The following SLC44A5 variants were observed in gnomAD, a reference collection of about 807,000 sequenced individuals.
SLC44A5 encodes choline transporter-like protein 5.
Under a neutral mutation model 101.8 loss-of-function variants are expected in SLC44A5, and 57 were observed. That is an observed-to-expected ratio of 0.56 (90% CI 0.45 to 0.70). The LOEUF is 0.70. Among genes scored for constraint, SLC44A5 ranks in the 30% least tolerant of loss-of-function variants. The pLI is 0.00. For missense variants in SLC44A5, 737 were observed against 853.1 expected, an observed-to-expected ratio of 0.86 and a Z score of 1.70; for synonymous variants, 281 against 290.9, an observed-to-expected ratio of 0.97 and a Z score of 0.35.
chr1:75,688,795 T>C, the SLC44A5 span, among the ~76,000 whole-genome samples: 1 of 152,180 alleles, frequency 6.6e-6, no homozygotes, highest in African/African-American at 2.4e-5. Context: ...CAATCTCTAA[T>C]TGAGAAGTTT....
intron 5 of SLC44A5, among the ~76,000 whole-genome samples, chr1:75,289,056 G>A (rs1653312960): frequency 6.6e-6 from 1 of 152,168 alleles, no homozygotes; most frequent in African/African-American, 2.4e-5. Context: ...CAATACAGGA[G>A]TCTTCCACCT....
intron 1 of SLC44A5, among the ~76,000 whole-genome samples, chr1:75,609,830 A>T (rs973755140): frequency 2.6e-5 from 4 of 152,064 alleles, no homozygotes; most frequent in African/African-American, 7.2e-5. Context: ...TTCATGATCT[A>T]ATGTTATGTA....
Position 75,252,755 on chromosome 1 carries a change from G to GA in SLC44A5, c.261-1462dup, listed in dbSNP as rs529590454. On this transcript the variant is annotated intron_variant, in intron 6 of 23. Coordinates refer to ENST00000370859, the MANE Select transcript of SLC44A5 (RefSeq NM_001130058.2). Reference sequence around the variant, plus strand: ...GACCCAAAGAGACCACAAGAGAATTGAAAAAAAGTCAATGAGGCAGAAAGA... The same window carrying GA: ...GACCCAAAGAGACCACAAGAGAATTGAAAAAAAAGTCAATGAGGCAGAAAGA... Among the ~76,000 whole-genome samples the GA allele has an allele frequency of 3.3e-5, 5 of 152,150 alleles. No individual in the cohort carries two copies. The South Asian group carries it at 1.0e-3, about 32-fold the overall frequency.
chr1:75,481,975 G>A (rs1002627111), intron 2 of SLC44A5, among the ~76,000 whole-genome samples: 5 of 152,218 alleles, frequency 3.3e-5, no homozygotes, highest in Non-Finnish European at 7.4e-5. Context: ...GCACACGTAT[G>A]TTTATTGTGG....
chr1:75,423,168 T>G (rs1275502855), intron 2 of SLC44A5, among the ~76,000 whole-genome samples: 2 of 152,204 alleles, frequency 1.3e-5, no homozygotes, highest in African/African-American at 4.8e-5. Context: ...TATAGTACTC[T>G]CTACGGAATG....
intron 2 of SLC44A5, among the ~76,000 whole-genome samples, chr1:75,526,908 C>T (rs1365089663): frequency 1.3e-5 from 2 of 151,880 alleles, no homozygotes; most frequent in Admixed American, 6.6e-5. Flanking sequence ...CTGAGGTGGG[C>T]GGATCACCTG....
intron 1 of SLC44A5, among the ~76,000 whole-genome samples, chr1:75,579,539 C>A (rs1273265175): frequency 6.6e-6 from 1 of 151,524 alleles, no homozygotes; most frequent in African/African-American, 2.4e-5. Context: ...CTCTCATTCA[C>A]TTCCCTACAC....
rs1340574748 is a variant in SLC44A5, at chr1:75,402,386, A to C, written c.14-5765T>G. ...TGACATTTGAAATGTTCACTACAAG[A>C]GGTGGCTGGCAAGATGGCCAAATAG... On this transcript the variant is annotated intron_variant, in intron 2 of 23. Coordinates refer to ENST00000370859, the MANE Select transcript of SLC44A5 (RefSeq NM_001130058.2). 6.1e-5 allele frequency: 23 copies of C among 375,192 alleles called. No homozygotes were observed. In the East Asian group the frequency reaches 1.8e-3, roughly 30 times the overall value. 23.2% of individuals were successfully genotyped at this position (375,192 alleles called of 1,614,324 possible). A position where few individuals can be genotyped will look rare whatever the true frequency, so the allele number is the denominator to read the frequency against.
At chr1:75,701,392 C>T in the SLC44A5 span, among the ~76,000 whole-genome samples, 6 of 152,222 alleles carry the variant, frequency 3.9e-5, no homozygotes, top group East Asian at 5.8e-4. Flanking sequence ...ATAAACAGAA[C>T]CAACAACAAA....
At chr1:75,635,607 GAGAACACATGGACACAGGA>G in the SLC44A5 span, among the ~76,000 whole-genome samples, 747 of 140,526 alleles carry the variant, frequency 5.3e-3, 7 homozygotes, top group African/African-American at 0.019. Flanking sequence ...ATTGAACAAT[GAGAACACATGGACACAGGA>G]AGGGGAACAT....
At chr1:75,357,677 G>A (rs1570764099) in intron 3 of SLC44A5, among the ~76,000 whole-genome samples, 1 of 152,088 alleles carries the variant, frequency 6.6e-6, no homozygotes, top group African/African-American at 2.4e-5. Flanking sequence ...TGGGCCCAGT[G>A]GGTGGAGGAA....
intron 2 of SLC44A5, among the ~76,000 whole-genome samples, chr1:75,414,247 T>C (rs1663473138): frequency 6.6e-6 from 1 of 151,828 alleles, no homozygotes; most frequent in Non-Finnish European, 1.5e-5. Flanking sequence ...CAAATTTGAA[T>C]TGTTATAACA....
Position 75,339,562 on chromosome 1 carries a change from C to T in SLC44A5, c.101+20G>A. 1.9e-6 allele frequency: 3 copies of T among 1,592,058 alleles called. No homozygotes were observed. The highest frequency in any genetic ancestry group is 2.6e-6 in the Non-Finnish European group (3 of 1,169,022). ...TGTGTATGTTTAAAAAAGCATATTC[C>T]CCAAAAAATAATTGCTTACCTGTTG... On this transcript the variant is annotated intron_variant, in intron 4 of 23. Transcript: ENST00000370859.
intron 2 of SLC44A5, among the ~76,000 whole-genome samples, chr1:75,400,227 AT>A (rs1304586906): frequency 3.3e-5 from 5 of 152,250 alleles, no homozygotes; most frequent in Non-Finnish European, 7.3e-5. Flanking sequence ...CAAACAACAT[AT>A]TAGGTACTAT....
rs575888930 is a variant in SLC44A5, at chr1:75,380,903, T to C, written c.52+15680A>G. 5.1e-3 allele frequency among the ~76,000 whole-genome samples: 416 copies of C among 82,192 alleles called. 171 individuals are homozygous for C. Among genetic ancestry groups the C allele is most frequent in the African/African-American group, 0.032 (402 of 12,538 alleles). The allele number at this position is 82,192 out of a possible 152,430, so 53.9% of individuals were successfully genotyped here. A position where few individuals can be genotyped will look rare whatever the true frequency, so the allele number is the denominator to read the frequency against. ...GAAGGGATGATGATAAATATTTCCA[T>C]TGGGTATCGTTATCCTCCTATTTGC... On this transcript the variant is annotated intron_variant, in intron 3 of 23. Transcript: ENST00000370859.
At chr1:75,297,643 T>C (rs751644825) in intron 5 of SLC44A5, among the ~76,000 whole-genome samples, 29 of 152,344 alleles carry the variant, frequency 1.9e-4, no homozygotes, top group Middle Eastern at 3.4e-3. Context: ...TACTTAATGA[T>C]AGCAATAAGT....
chr1:75,341,225 C>T (rs1308047555), intron 3 of SLC44A5, among the ~76,000 whole-genome samples: 1 of 152,152 alleles, frequency 6.6e-6, no homozygotes, highest in Non-Finnish European at 1.5e-5. Context: ...GAGGGCCGGA[C>T]ATGGGTGGCT....
chr1:75,632,738 A>C, the SLC44A5 span, among the ~76,000 whole-genome samples: 2 of 152,176 alleles, frequency 1.3e-5, no homozygotes, highest in Admixed American at 6.5e-5. Flanking sequence ...TGAGTTCTAG[A>C]GCCAAATTGC....
intron 1 of SLC44A5, among the ~76,000 whole-genome samples, chr1:75,562,814 T>C (rs918627506): frequency 6.6e-6 from 1 of 152,204 alleles, no homozygotes; most frequent in Non-Finnish European, 1.5e-5. Context: ...CACTTATCTT[T>C]CTTAGTGGTC....
Sources: allele counts gnomAD v4.1 joint callset (sites outside exome capture counted in the v4.1 genomes callset), GRCh38; gene constraint gnomAD v4.1.1; transcripts MANE v1.5; gene names NCBI Gene and HGNC (gene_info 2026-07-23, HGNC 2026-07-21).